The following GPC5 variants were observed in gnomAD, a reference collection of about 807,000 sequenced individuals.
The protein encoded by GPC5 is glypican-5.
GPC5 carries 47 observed loss-of-function variants against 53.9 expected under a neutral mutation model. That is an observed-to-expected ratio of 0.87 (90% CI 0.69 to 1.11). GPC5 has a LOEUF of 1.11. Among genes scored for constraint, GPC5 ranks in the 50% most tolerant of loss-of-function variants. The pLI is 0.00. For synonymous variants in GPC5, 286 were observed against 263.3 expected (o/e 1.09, Z -0.84); for missense variants, 748 against 713.1 (o/e 1.05, Z -0.56).
At chr13:92,460,413 T>A (rs1878431204) in intron 7 of GPC5, among the ~76,000 whole-genome samples, 1 of 152,200 alleles carries the variant, frequency 6.6e-6, no homozygotes, top group Non-Finnish European at 1.5e-5. Context: ...AGCAACTTCC[T>A]TCCTTTCTTA....
At chr13:91,622,361 A>C (rs9523383) in intron 2 of GPC5, among the ~76,000 whole-genome samples, 76,111 of 151,990 alleles carry the variant, frequency 0.5, 21,467 homozygotes, top group Non-Finnish European at 0.62. Context: ...GTAAGTCTAC[A>C]TCTTAACATC....
intron 7 of GPC5, among the ~76,000 whole-genome samples, chr13:92,558,282 G>A (rs1031599463): frequency 3.3e-5 from 5 of 151,938 alleles, no homozygotes; most frequent in African/African-American, 1.2e-4. Flanking sequence ...TACATAAATT[G>A]CAATGATTAT....
At chr13:92,510,747 C>T (rs979044436) in intron 7 of GPC5, among the ~76,000 whole-genome samples, 5 of 152,138 alleles carry the variant, frequency 3.3e-5, no homozygotes, top group Non-Finnish European at 7.4e-5. Flanking sequence ...TGCTGATTTT[C>T]CACCTATAGG....
At chr13:92,596,161 G>C (rs1883873947) in intron 7 of GPC5, among the ~76,000 whole-genome samples, 2 of 151,008 alleles carry the variant, frequency 1.3e-5, no homozygotes, top group African/African-American at 4.8e-5. Context: ...GGCAAACAAG[G>C]CTGCACATTT....
intron 4 of GPC5, among the ~76,000 whole-genome samples, chr13:91,734,092 G>A (rs1232055602): frequency 6.8e-6 from 1 of 146,382 alleles, no homozygotes. Context: ...TGATCATGTG[G>A]TTTTTGTCAT....
chr13:91,982,503 A>G (rs2040368572), intron 6 of GPC5, among the ~76,000 whole-genome samples: 1 of 152,030 alleles, frequency 6.6e-6, no homozygotes, highest in African/African-American at 2.4e-5. Context: ...AGCAAAAAGG[A>G]TTAGGGAAGG....
intron 7 of GPC5, among the ~76,000 whole-genome samples, chr13:92,438,386 AT>A (rs1375723459): frequency 0.08 from 59 of 736 alleles, no homozygotes; most frequent in Admixed American, 0.24. Flanking sequence ...CAAAATAAAT[AT>A]ATATATATAT....
intron 2 of GPC5, among the ~76,000 whole-genome samples, chr13:91,552,613 A>C (rs1423738358): frequency 2.0e-5 from 3 of 152,138 alleles, no homozygotes; most frequent in African/African-American, 4.8e-5. Flanking sequence ...TTAAAGGAAT[A>C]GGTTGGGCTG....
chr13:92,088,311 TG>T (rs2041351919), intron 6 of GPC5, among the ~76,000 whole-genome samples: 1 of 152,076 alleles, frequency 6.6e-6, no homozygotes. Context: ...GATCTGGAGA[TG>T]GGGATCTATA....
In GPC5 at chr13:92,379,511, C is replaced by T. The variant is rs2043721279; in HGVS notation, c.1561+234522C>T. ...CGTTAGTTCCTCTCTCTGTCCTCTG[C>T]ATGTTAGTTCCTCTCTGTTTCCTCT... is the stretch of plus-strand genomic sequence containing the variant. On this transcript the variant is annotated intron_variant, in intron 7 of 7. Coordinates refer to ENST00000377067, the MANE Select transcript of GPC5 (RefSeq NM_004466.6). Among the ~76,000 whole-genome samples, 3 of 152,144 alleles carry T rather than the reference C, an allele frequency of 2.0e-5. No individual in the cohort carries two copies. In the South Asian group the frequency reaches 6.2e-4, roughly 32 times the overall value.
At chr13:92,601,778 C>A (rs145567310) in intron 7 of GPC5, among the ~76,000 whole-genome samples, 15 of 151,972 alleles carry the variant, frequency 9.9e-5, no homozygotes, top group African/African-American at 3.6e-4. Flanking sequence ...AGGAATTTAG[C>A]TAAATTTTAG....
At chr13:92,390,752 A>G (rs754059470) in intron 7 of GPC5, among the ~76,000 whole-genome samples, 11 of 152,182 alleles carry the variant, frequency 7.2e-5, no homozygotes, top group Non-Finnish European at 1.5e-4. Context: ...ATTTTTCAGA[A>G]GATGAATATG....
intron 7 of GPC5, among the ~76,000 whole-genome samples, chr13:92,558,272 T>C (rs1882568737): frequency 6.6e-6 from 1 of 152,068 alleles, no homozygotes; most frequent in African/African-American, 2.4e-5. Flanking sequence ...ATAAATGCAA[T>C]ACATAAATTG....
intron 4 of GPC5, among the ~76,000 whole-genome samples, chr13:91,735,571 A>G (rs1213782446): frequency 6.6e-6 from 1 of 151,432 alleles, no homozygotes; most frequent in East Asian, 1.9e-4. Flanking sequence ...TTTTCAAAAT[A>G]TAGTATCTTT....
At chr13:92,238,578 G>T (rs1296912699) in intron 7 of GPC5, among the ~76,000 whole-genome samples, 1 of 151,920 alleles carries the variant, frequency 6.6e-6, no homozygotes, top group Non-Finnish European at 1.5e-5. Flanking sequence ...AGTTATAAGA[G>T]TCCTTATGTA....
At chr13:92,076,477 A>C (rs2041253218) in intron 6 of GPC5, among the ~76,000 whole-genome samples, 1 of 152,268 alleles carries the variant, frequency 6.6e-6, no homozygotes, top group East Asian at 1.9e-4. Context: ...TGAATTCATG[A>C]GCCACAGGTT....
chr13:92,661,517 C>G (rs1886342837), intron 7 of GPC5, among the ~76,000 whole-genome samples: 1 of 151,924 alleles, frequency 6.6e-6, no homozygotes, highest in Non-Finnish European at 1.5e-5. Flanking sequence ...TTTTTTCAAA[C>G]AATATTTTAT....
chr13:91,444,909 C>A (rs950104437), intron 1 of GPC5, among the ~76,000 whole-genome samples: 2 of 152,164 alleles, frequency 1.3e-5, no homozygotes, highest in Non-Finnish European at 2.9e-5. Context: ...CACAGTAGAT[C>A]CCCGAAGCAT....
intron 7 of GPC5, among the ~76,000 whole-genome samples, chr13:92,603,157 T>G (rs1169986391): frequency 6.6e-6 from 1 of 152,166 alleles, no homozygotes; most frequent in African/African-American, 2.4e-5. Context: ...AATGGTATAG[T>G]ATGGATAAAG....
Sources: gnomAD v4.1 joint callset for allele counts (sites outside exome capture counted in the v4.1 genomes callset) on GRCh38, gnomAD v4.1.1 for gene constraint, MANE v1.5 for transcripts, NCBI Gene and HGNC (gene_info 2026-07-23, HGNC 2026-07-21) for gene names.